The following THAP4 variants were observed in gnomAD, a reference collection of about 807,000 sequenced individuals.
THAP4 encodes THAP domain containing 4, also known as peroxynitrite isomerase THAP4.
A neutral mutation model predicts 48.1 loss-of-function variants in THAP4; 18 were observed. The observed-to-expected ratio is 0.37, with a 90% CI of 0.26 to 0.56. The LOEUF is 0.56. THAP4 is among the 20% of genes least tolerant of loss of function. The probability of loss-of-function intolerance (pLI) is 0.78; values close to 1 mark genes in which losing one functional copy is unlikely to be tolerated. For missense variants in THAP4, 656 were observed against 774.9 expected, an observed-to-expected ratio of 0.85 and a Z score of 1.82; for synonymous variants, 345 against 324.9, an observed-to-expected ratio of 1.06 and a Z score of -0.66.
intron 2 of THAP4, among the ~76,000 whole-genome samples, chr2:241,625,422 C>G (rs2067484135): frequency 6.6e-6 from 1 of 150,560 alleles, no homozygotes; most frequent in Admixed American, 6.6e-5. Flanking sequence ...CAGCAGTGAG[C>G]CGAGGTCACA....
At chr2:241,600,670 G>A (rs545496969) in intron 5 of THAP4, among the ~76,000 whole-genome samples, 2 of 148,898 alleles carry the variant, frequency 1.3e-5, no homozygotes, top group Non-Finnish European at 3.0e-5. Context: ...AGAACATGCA[G>A]TGAGCCGAGA....
At chr2:241,595,173 T>A (rs867172463) in intron 5 of THAP4, among the ~76,000 whole-genome samples, 20 of 151,998 alleles carry the variant, frequency 1.3e-4, no homozygotes, top group African/African-American at 4.3e-4. Context: ...TCACCACGCC[T>A]GGCTAATTTT....
At chr2:241,635,131 T>G (rs1052334059) in intron 1 of THAP4, among the ~76,000 whole-genome samples, 2 of 152,070 alleles carry the variant, frequency 1.3e-5, no homozygotes, top group African/African-American at 4.8e-5. Flanking sequence ...GAAAAAGCGG[T>G]AGGAAAGGCT....
rs760366375 is a variant in THAP4 at position 241,636,946 on chromosome 2, G to A, written c.72C>T (p.Phe24=). The change falls in exon 1 of 6, where the codon TTC becomes TTT. Residue 24 remains phenylalanine (F), a synonymous_variant. Transcript: ENST00000407315. ...QGKGEKRAVS[F]HRFPLKDSKR... ...GCGGCCCGGGGCCCGCGTACCTGTG[G>A]AAGGAGACGGCGCGCTTCTCGCCCT... The A allele has an allele frequency of 3.1e-6, 4 of 1,293,744 alleles. No individual in the cohort carries two copies. The highest frequency in any genetic ancestry group is 5.4e-5 in the East Asian group (1 of 18,616). The allele number at this position is 1,293,744 out of a possible 1,614,324, so 80.1% of individuals were successfully genotyped here. A position where few individuals can be genotyped will look rare whatever the true frequency, so the allele number is the denominator to read the frequency against.
In THAP4 at chr2:241,633,000, T is replaced by G; in HGVS notation, c.1157A>C (p.Gln386Pro). ...CAGCTTCTCCTGTAGCTTCCGCACC[T>G]GGCTGTCGGAGCGGCTGACCCTCTG... Reference protein sequence around the residue: ...LRQRVSRSDSQVRKLQEKLDE... With the variant: ...LRQRVSRSDSPVRKLQEKLDE... The change falls in exon 2 of 6, where the codon CAG becomes CCG. Residue 386 changes from glutamine (Q) to proline (P), a missense_variant. This residue lies in a region of THAP4 where 391 missense variants were observed against 412.4 expected (regional missense o/e 0.95). Coordinates refer to ENST00000407315, the MANE Select transcript of THAP4 (RefSeq NM_015963.6). 1 of 1,613,824 alleles carries G rather than the reference T, an allele frequency of 6.2e-7. No homozygotes were observed. The highest frequency in any genetic ancestry group is 8.5e-7 in the Non-Finnish European group (1 of 1,179,952).
intron 5 of THAP4, among the ~76,000 whole-genome samples, chr2:241,595,088 T>C (rs963112184): frequency 9.9e-5 from 15 of 151,972 alleles, no homozygotes; most frequent in African/African-American, 2.9e-4. Flanking sequence ...TCTCAGCTCA[T>C]TGCAACCTCT....
chr2:241,585,933 A>G (rs1229504131), intron 5 of THAP4, among the ~76,000 whole-genome samples: 8 of 148,312 alleles, frequency 5.4e-5, no homozygotes, highest in African/African-American at 1.7e-4. Flanking sequence ...AAAAAAAGAA[A>G]AAAAAAAGAA....
chr2:241,617,708 G>T (rs1247408055), intron 2 of THAP4, among the ~76,000 whole-genome samples: 1 of 152,136 alleles, frequency 6.6e-6, no homozygotes, highest in Non-Finnish European at 1.5e-5. Context: ...GACGAGTGCG[G>T]CTTCTACCCT....
intron 2 of THAP4, among the ~76,000 whole-genome samples, chr2:241,632,206 C>T (rs894101643): frequency 6.6e-6 from 1 of 152,118 alleles, no homozygotes; most frequent in Non-Finnish European, 1.5e-5. Flanking sequence ...AATCCACCTG[C>T]CCCAGCCTCC....
chr2:241,618,203 C>T (rs1298245106), intron 2 of THAP4, among the ~76,000 whole-genome samples: 1 of 152,210 alleles, frequency 6.6e-6, no homozygotes, highest in Non-Finnish European at 1.5e-5. Flanking sequence ...AAAGTGACAT[C>T]AAGGCCCTCA....
Position 241,633,251 on chromosome 2 carries a change from G to A in THAP4, c.906C>T (p.Ala302=), listed in dbSNP as rs754522860. 2 of 1,610,864 alleles carry A rather than the reference G, an allele frequency of 1.2e-6. No homozygotes were observed. The highest frequency in any genetic ancestry group is 1.7e-6 in the Non-Finnish European group (2 of 1,179,080). Residue 302 remains alanine (A), a synonymous_variant, in exon 2 of 6, where the codon GCC becomes GCT. Coordinates refer to ENST00000407315, the MANE Select transcript of THAP4 (RefSeq NM_015963.6). This position sits in a 1 kb window ranked among gnomAD's most constrained non-coding sequence, Gnocchi z 7.5. ...TPQKPSQSPS[A]PPADVTPKPA... Reference sequence around the variant, plus strand: ...GCTTTGGGGTGACGTCGGCAGGAGGGGCAGAGGGGCTCTGGGAAGGCTTCT... The same window carrying A: ...GCTTTGGGGTGACGTCGGCAGGAGGAGCAGAGGGGCTCTGGGAAGGCTTCT...
At chr2:241,629,900 C>T (rs184848920) in intron 2 of THAP4, among the ~76,000 whole-genome samples, 20 of 151,942 alleles carry the variant, frequency 1.3e-4, no homozygotes, top group Admixed American at 1.1e-3. Context: ...CGCTCTGGTC[C>T]GCTGACTAAC....
chr2:241,597,717 G>A (rs4072903), intron 5 of THAP4, among the ~76,000 whole-genome samples: 50,392 of 151,968 alleles, frequency 0.33, 8,725 homozygotes, highest in South Asian at 0.46. Context: ...GGCTTCCTCA[G>A]TCCTGCTGAT....
intron 1 of THAP4, among the ~76,000 whole-genome samples, chr2:241,636,633 C>T (rs2067663760): frequency 6.6e-6 from 1 of 152,190 alleles, no homozygotes; most frequent in East Asian, 1.9e-4. Context: ...GCAGTCGCGG[C>T]CGAGCAGGAC....
At chr2:241,625,244 C>G (rs930578776) in intron 2 of THAP4, among the ~76,000 whole-genome samples, 1 of 152,032 alleles carries the variant, frequency 6.6e-6, no homozygotes, top group Admixed American at 6.6e-5. Flanking sequence ...AGAGGCCAAG[C>G]TGGGAGAATC....
chr2:241,609,659 C>T (rs1188381032), intron 2 of THAP4, among the ~76,000 whole-genome samples: 1 of 152,142 alleles, frequency 6.6e-6, no homozygotes, highest in Non-Finnish European at 1.5e-5. Flanking sequence ...TGGTGGCACA[C>T]GCCTGTAATC....
At chr2:241,617,470 G>C in intron 2 of THAP4, 4 of 1,549,150 alleles carry the variant, frequency 2.6e-6, no homozygotes, top group Non-Finnish European at 3.5e-6. Context: ...GTTGTTTTCT[G>C]CCAATTGACG....
At chr2:241,602,890 G>A in intron 4 of THAP4, 80 bp downstream of exon 4, 1 of 1,088,712 alleles carries the variant, frequency 9.2e-7, no homozygotes, top group South Asian at 1.3e-5. Flanking sequence ...GGTTGCACAT[G>A]GGCATCCCTG....
chr2:241,597,207 T>G (rs1249481784), intron 5 of THAP4, among the ~76,000 whole-genome samples: 2 of 152,156 alleles, frequency 1.3e-5, no homozygotes, highest in African/African-American at 2.4e-5. Flanking sequence ...CTCGGCTCAC[T>G]GCAACCTCCG....
Sources: allele counts gnomAD v4.1 joint callset (sites outside exome capture counted in the v4.1 genomes callset), GRCh38; gene constraint gnomAD v4.1.1; regional missense constraint gnomAD v4.1.1; non-coding constraint Gnocchi (gnomAD v3.1); transcripts MANE v1.5; gene names NCBI Gene and HGNC (gene_info 2026-07-23, HGNC 2026-07-21).